Variants in SAMHD1 observed in about 807,000 individuals in gnomAD.
SAMHD1 encodes deoxynucleoside triphosphate triphosphohydrolase SAMHD1.
Under a neutral mutation model 79.6 loss-of-function variants are expected in SAMHD1, and 54 were observed. The observed-to-expected ratio is 0.68, with a 90% CI of 0.55 to 0.85. The LOEUF (loss-of-function observed/expected upper bound fraction) is 0.85, where lower values mean the gene tolerates loss of function less well. SAMHD1 is among the 40% of genes least tolerant of loss of function. The probability of loss-of-function intolerance (pLI) is 0.00; values close to 1 mark genes in which losing one functional copy is unlikely to be tolerated. For synonymous variants in SAMHD1, 260 were observed against 264.1 expected (o/e 0.98, Z 0.15); for missense variants, 663 against 782.7 (o/e 0.85, Z 1.82).
chr20:36,950,715 G>C (rs1423096002), intron 1 of SAMHD1, among the ~76,000 whole-genome samples: 2 of 152,172 alleles, frequency 1.3e-5, no homozygotes, highest in Non-Finnish European at 2.9e-5. Flanking sequence ...TTTTGGAGGG[G>C]AACCTGCTTT....
chr20:36,916,897 C>A (rs934902937), intron 8 of SAMHD1, 52 bp downstream of exon 8: 1 of 1,568,982 alleles, frequency 6.4e-7, no homozygotes, highest in Non-Finnish European at 8.8e-7. Context: ...AATAGTAATA[C>A]TAAATTTATA....
rs751804139 is a variant in SAMHD1, at chr20:36,904,148, A to T, written c.1503+9T>A. ...ATTCACTCAGTTTATTACTGGGCTA[A>T]TTACTTACATCCACTATAAAATCTT... On this transcript the variant is annotated intron_variant, in intron 13 of 15. Coordinates refer to ENST00000646673, the MANE Select transcript of SAMHD1 (RefSeq NM_015474.4). 4 of 1,582,626 alleles carry T rather than the reference A, an allele frequency of 2.5e-6. No individual in the cohort carries two copies. The Admixed American group carries it at 6.7e-5, about 26-fold the overall frequency.
intron 1 of SAMHD1, 160 bp from the exon 2 acceptor site, chr20:36,946,964 A>G: frequency 2.0e-6 from 1 of 505,532 alleles, no homozygotes; most frequent in Non-Finnish European, 3.5e-6. Flanking sequence ...ACTTGTAAAG[A>G]CTTAATTTTA....
chr20:36,891,351 G>A lies in SAMHD1; in HGVS notation c.*1581C>T, dbSNP rs1990069651. ...GGACTGCTGGGAAATCTGCTGGCCT[G>A]TGGTCTGAGTTCCCCTACTTGCTCA... On this transcript the variant is annotated 3_prime_UTR_variant, in exon 16 of 16. Coordinates refer to ENST00000646673, the MANE Select transcript of SAMHD1 (RefSeq NM_015474.4). The A allele has an allele frequency of 6.6e-6, 1 of 152,360 alleles. No individual in the cohort carries two copies. Among genetic ancestry groups the A allele is most frequent in the African/African-American group, 2.4e-5 (1 of 41,462 alleles). The allele number at this position is 152,360 out of a possible 1,614,324, so 9.4% of individuals were successfully genotyped here. A position where few individuals can be genotyped will look rare whatever the true frequency, so the allele number is the denominator to read the frequency against.
rs73286552 is a variant in SAMHD1 at position 36,929,764 on chromosome 20, G to T, written c.625+996C>A. On this transcript the variant is annotated intron_variant, in intron 5 of 15. Coordinates refer to ENST00000646673, the MANE Select transcript of SAMHD1 (RefSeq NM_015474.4). ...CCCCTTTCTCTTTGTCACAGGAAAA[G>T]GATTATATTCTTTTGCTTGGATTAA... Among the ~76,000 whole-genome samples the T allele has an allele frequency of 4.3e-4, 66 of 152,026 alleles. 1 individual carries two copies. The highest frequency in any genetic ancestry group is 1.6e-3 in the African/African-American group (66 of 41,478).
chr20:36,907,317 G>A (rs866405706), intron 11 of SAMHD1, among the ~76,000 whole-genome samples: 1 of 150,918 alleles, frequency 6.6e-6, no homozygotes, highest in African/African-American at 2.4e-5. Flanking sequence ...GGAGTGAAGT[G>A]GCACGTGATC....
chr20:36,904,442 G>C, intron 12 of SAMHD1, 193 bp from the exon 13 acceptor site: 1 of 566,946 alleles, frequency 1.8e-6, no homozygotes, highest in East Asian at 3.3e-5. Flanking sequence ...AAAGTGGCCA[G>C]GCGCAGTGGC....
At chr20:36,950,376 A>G (rs1324281537) in intron 1 of SAMHD1, among the ~76,000 whole-genome samples, 1 of 152,042 alleles carries the variant, frequency 6.6e-6, no homozygotes, top group Non-Finnish European at 1.5e-5. Flanking sequence ...CATTCAAGCT[A>G]TCTTTGGGTC....
chr20:36,928,883 C>G (rs2063551772), intron 5 of SAMHD1, among the ~76,000 whole-genome samples: 1 of 151,622 alleles, frequency 6.6e-6, no homozygotes, highest in Non-Finnish European at 1.5e-5. Flanking sequence ...ATGGTGAAAC[C>G]TCATCTCTAC....
At chr20:36,889,956 C>T (rs1379077935), downstream of SAMHD1, 1 of 152,092 alleles carries the variant, frequency 6.6e-6, no homozygotes, top group Non-Finnish European at 1.5e-5. Context: ...GGATTCTACT[C>T]TGTATGTGTG....
chr20:36,951,544 G>A lies in SAMHD1; in HGVS notation c.100C>T (p.Pro34Ser), dbSNP rs79926640. The change falls in exon 1 of 16, where the codon CCG (proline) becomes TCG (serine). Residue 34 changes from proline (P) to serine (S), a missense_variant. Transcript: ENST00000646673. Reference sequence around the variant, plus strand: ...TAGTCGGGATGGAGTTCCAGGCCCGGGGACCAGTCTGCCTCTGCGGAAGGG... The same window carrying A: ...TAGTCGGGATGGAGTTCCAGGCCCGAGGACCAGTCTGCCTCTGCGGAAGGG... ...NTPSAEADWSPGLELHPDYKT... is the reference protein window; with the variant it reads ...NTPSAEADWSSGLELHPDYKT... 1 of 1,614,220 alleles carries A rather than the reference G, an allele frequency of 6.2e-7. No individual in the cohort carries two copies. The highest frequency in any genetic ancestry group is 1.3e-5 in the African/African-American group (1 of 75,070).
At chr20:36,915,829 C>T (rs756888333) in intron 9 of SAMHD1, among the ~76,000 whole-genome samples, 1 of 151,894 alleles carries the variant, frequency 6.6e-6, no homozygotes, top group South Asian at 2.1e-4. Flanking sequence ...CAGGTGTCAA[C>T]TGTATAAAAT....
chr20:36,908,782 A>G (rs2063419957), intron 11 of SAMHD1, among the ~76,000 whole-genome samples: 1 of 152,134 alleles, frequency 6.6e-6, no homozygotes, highest in African/African-American at 2.4e-5. Context: ...TGCAGCAAAT[A>G]GAATCCAGCT....
In SAMHD1 at chr20:36,927,202, G is replaced by C. The variant is rs778647626; in HGVS notation, c.676C>G (p.Arg226Gly). 7 of 1,613,510 alleles carry C rather than the reference G, an allele frequency of 4.3e-6. No homozygotes were observed. Residue 226 changes from arginine (R) to glycine (G), a missense_variant, in exon 6 of 16, where the codon CGC (arginine) becomes GGC (glycine). Physicochemically the swap from Arg to Gly is moderately radical, Grantham distance 125. Coordinates refer to ENST00000646673, the MANE Select transcript of SAMHD1 (RefSeq NM_015474.4). Reference protein sequence around the residue: ...MFDGRFIPLARPEVKWTHEQG... With the variant: ...MFDGRFIPLAGPEVKWTHEQG... ...CATACCGTCCATTTCACCTCCGGGC[G>C]AGCAAGTGGAATAAATCGTCCATCA...
intron 6 of SAMHD1, among the ~76,000 whole-genome samples, chr20:36,921,315 C>T (rs1210096702): frequency 7.0e-6 from 1 of 142,418 alleles, no homozygotes; most frequent in Non-Finnish European, 1.5e-5. Flanking sequence ...AACGCTTGAA[C>T]TCGGGAGGCG....
chr20:36,942,287 G>A (rs372846799), intron 2 of SAMHD1, among the ~76,000 whole-genome samples: 1 of 152,000 alleles, frequency 6.6e-6, no homozygotes, highest in Non-Finnish European at 1.5e-5. Flanking sequence ...TGGTGGTGGC[G>A]CATGCCTGTA....
At chr20:36,908,815 G>A (rs544067011) in intron 11 of SAMHD1, among the ~76,000 whole-genome samples, 15 of 152,182 alleles carry the variant, frequency 9.9e-5, no homozygotes, top group African/African-American at 2.2e-4. Flanking sequence ...CAGCACTCTC[G>A]GCAGGAAGCT....
chr20:36,927,233 G>A lies in SAMHD1; in HGVS notation c.645C>T (p.His215=), dbSNP rs2146127828. ...GTGGAATAAATCGTCCATCAAACAT[G>A]TGAGAAAATGGCCCATGACCTTAAA... The part of the protein sequence containing the change: ...CHDLGHGPFS[H]MFDGRFIPLA... Residue 215 remains histidine (H), a synonymous_variant, in exon 6 of 16, where the codon CAC becomes CAT. Coordinates refer to ENST00000646673, the MANE Select transcript of SAMHD1 (RefSeq NM_015474.4). 6.2e-7 allele frequency: 1 copy of A among 1,613,080 alleles called. No homozygotes were observed. The highest frequency in any genetic ancestry group is 8.5e-7 in the Non-Finnish European group (1 of 1,179,522).
At chr20:36,890,198 T>C (rs1990027296), downstream of SAMHD1, 1 of 152,200 alleles carries the variant, frequency 6.6e-6, no homozygotes, top group Non-Finnish European at 1.5e-5. Context: ...GGTCGAAACC[T>C]TTGTGGAACA....
Sources: allele counts gnomAD v4.1 joint callset (sites outside exome capture counted in the v4.1 genomes callset), GRCh38; gene constraint gnomAD v4.1.1; transcripts MANE v1.5; gene names NCBI Gene and HGNC (gene_info 2026-07-23, HGNC 2026-07-21).